The following DIP2B variants were observed in gnomAD, a reference collection of about 807,000 sequenced individuals.
DIP2B encodes DIP2 acetate--CoA ligase B (putative).
In DIP2B, 76 loss-of-function variants were observed where a neutral mutation model predicts 198.0. The ratio of observed to expected loss-of-function variants is 0.38; its 90% CI spans 0.32 to 0.46. The LOEUF is 0.46. Ranked by LOEUF, DIP2B falls within the 20% of genes least tolerant of loss-of-function variation. DIP2B has a pLI of 0.99. For missense variants in DIP2B, 1,559 were observed against 1,978.4 expected (o/e 0.79, Z 4.02); for synonymous variants, 701 against 739.1 (o/e 0.95, Z 0.84).
intron 22 of DIP2B, among the ~76,000 whole-genome samples, chr12:50,710,113 ATTGT>A (rs1343174953): frequency 2.0e-5 from 3 of 152,022 alleles, no homozygotes; most frequent in African/African-American, 7.2e-5. Context: ...TTGTATATTT[ATTGT>A]TTTCTACATC....
intron 28 of DIP2B, among the ~76,000 whole-genome samples, chr12:50,727,149 G>A (rs1421201173): frequency 6.6e-6 from 1 of 152,102 alleles, no homozygotes; most frequent in Non-Finnish European, 1.5e-5. Flanking sequence ...ATTTAACTTA[G>A]AGAAATACTT....
intron 10 of DIP2B, 126 bp from the exon 11 acceptor site, chr12:50,685,707 C>A: frequency 3.8e-6 from 4 of 1,065,502 alleles, no homozygotes; most frequent in Admixed American, 3.4e-5. Context: ...TTGACAATTG[C>A]CAGATATTGG....
At chr12:50,507,068 C>G (rs548669633) in intron 1 of DIP2B, among the ~76,000 whole-genome samples, 1 of 152,214 alleles carries the variant, frequency 6.6e-6, no homozygotes, top group East Asian at 1.9e-4. Context: ...ATTTCTAGGA[C>G]CCACACTGAT....
intron 3 of DIP2B, among the ~76,000 whole-genome samples, chr12:50,653,351 T>C (rs377229466): frequency 4.5e-4 from 65 of 144,382 alleles, no homozygotes; most frequent in Admixed American, 6.2e-4. Context: ...CTTTTCTTTT[T>C]TTTTTTTTTT....
chr12:50,610,450 C>T (rs935495343), intron 1 of DIP2B, among the ~76,000 whole-genome samples: 1 of 152,044 alleles, frequency 6.6e-6, no homozygotes, highest in Admixed American at 6.6e-5. Context: ...TCACCCCCCT[C>T]CTCCAAGTGA....
intron 13 of DIP2B, among the ~76,000 whole-genome samples, chr12:50,691,661 CATG>C (rs1939224364): frequency 6.6e-6 from 1 of 152,048 alleles, no homozygotes; most frequent in Non-Finnish European, 1.5e-5. Flanking sequence ...AATAAATGGT[CATG>C]ATAAAATTTT....
At chr12:50,595,206 G>C (rs1287147358) in intron 1 of DIP2B, among the ~76,000 whole-genome samples, 1 of 152,216 alleles carries the variant, frequency 6.6e-6, no homozygotes, top group African/African-American at 2.4e-5. Context: ...GTGTTTGCAA[G>C]CTAGTCGTGC....
intron 1 of DIP2B, among the ~76,000 whole-genome samples, chr12:50,512,777 G>A (rs576027072): frequency 2.8e-4 from 43 of 152,286 alleles, no homozygotes; most frequent in Middle Eastern, 3.4e-3. Flanking sequence ...AGGCGGAGCC[G>A]GGTGGATTGC....
chr12:50,675,283 T>A (rs755866511), intron 6 of DIP2B, 46 bp from the exon 7 acceptor site: 1 of 1,597,334 alleles, frequency 6.3e-7, no homozygotes, highest in African/African-American at 1.3e-5. Flanking sequence ...AACTAAAATA[T>A]CCTTACAGTC....
At chr12:50,716,958 C>CTTTTTGTTTTTTTTTTTTTTTTTTTTTT (rs1939732138) in intron 23 of DIP2B, among the ~76,000 whole-genome samples, 1 of 58,924 alleles carries the variant, frequency 1.7e-5, no homozygotes. Flanking sequence ...CGAATTGTTG[C>CTTTTTGTTTTTTTTTTTTTTTTTTTTTT]TTTTTTTTTT....
At chr12:50,570,139 T>A (rs529652995) in intron 1 of DIP2B, among the ~76,000 whole-genome samples, 1 of 152,346 alleles carries the variant, frequency 6.6e-6, no homozygotes, top group South Asian at 2.1e-4. Flanking sequence ...TTCCGTGCCC[T>A]GATTTAAAAT....
chr12:50,684,366 A>G (rs1444398780), intron 10 of DIP2B, among the ~76,000 whole-genome samples: 1 of 152,248 alleles, frequency 6.6e-6, no homozygotes, highest in Non-Finnish European at 1.5e-5. Flanking sequence ...CCCAACTAAA[A>G]TGAAGCATAT....
chr12:50,598,278 C>T (rs1958895813), intron 1 of DIP2B, among the ~76,000 whole-genome samples: 1 of 152,136 alleles, frequency 6.6e-6, no homozygotes, highest in South Asian at 2.1e-4. Context: ...ACCTTCATCA[C>T]AAGATGTGGC....
At chr12:50,665,825 G>A (rs117798458) in intron 4 of DIP2B, among the ~76,000 whole-genome samples, 1 of 151,588 alleles carries the variant, frequency 6.6e-6, no homozygotes, top group Non-Finnish European at 1.5e-5. Flanking sequence ...TCACGTGTAT[G>A]CATGGTACTG....
At chr12:50,676,684 G>T (rs1938952379) in intron 7 of DIP2B, among the ~76,000 whole-genome samples, 1 of 152,140 alleles carries the variant, frequency 6.6e-6, no homozygotes, top group Non-Finnish European at 1.5e-5. Context: ...TGTCACCTTT[G>T]GAAAAGAAAA....
At chr12:50,678,039 G>A (rs189681147) in intron 7 of DIP2B, among the ~76,000 whole-genome samples, 13 of 150,918 alleles carry the variant, frequency 8.6e-5, no homozygotes, top group African/African-American at 2.4e-4. Context: ...TTTCAGCCAA[G>A]TCCTGAAAAG....
chr12:50,719,863 T>A (rs983979238), intron 25 of DIP2B, among the ~76,000 whole-genome samples: 1 of 147,288 alleles, frequency 6.8e-6, no homozygotes, highest in African/African-American at 2.5e-5. Flanking sequence ...AGAAAAAATA[T>A]ATATATTATA....
rs200948749 is a variant in DIP2B, at chr12:50,648,548, A to C, written c.301+7696A>C. 1.1e-4 allele frequency among the ~76,000 whole-genome samples: 17 copies of C among 152,042 alleles called. No individual in the cohort carries two copies. The East Asian group carries it at 2.7e-3, about 24-fold the overall frequency. Reference sequence around the variant, plus strand: ...CCGGCTAATTTTTTGTATTTTTAGTAGAGACGGGTTTTCACTGTGTTAGCC... The same window carrying C: ...CCGGCTAATTTTTTGTATTTTTAGTCGAGACGGGTTTTCACTGTGTTAGCC... On this transcript the variant is annotated intron_variant, in intron 3 of 37. Coordinates refer to ENST00000301180, the MANE Select transcript of DIP2B (RefSeq NM_173602.3).
intron 37 of DIP2B, among the ~76,000 whole-genome samples, chr12:50,744,101 A>C (rs1238983531): frequency 6.6e-6 from 1 of 152,142 alleles, no homozygotes; most frequent in Non-Finnish European, 1.5e-5. Flanking sequence ...TCCTGGGTTC[A>C]AATTATTCTC....
Sources: allele counts gnomAD v4.1 joint callset (sites outside exome capture counted in the v4.1 genomes callset), GRCh38; gene constraint gnomAD v4.1.1; transcripts MANE v1.5; gene names NCBI Gene and HGNC (gene_info 2026-07-23, HGNC 2026-07-21).